KLF8: variants seen among roughly 807,000 people sequenced by gnomAD.
KLF8 encodes the protein Krueppel-like factor 8.
In KLF8, 10 loss-of-function variants were observed where a neutral mutation model predicts 18.2. That is an observed-to-expected ratio of 0.55 (90% CI 0.34 to 0.93). The LOEUF (loss-of-function observed/expected upper bound fraction) is 0.93, where lower values mean the gene tolerates loss of function less well. Among genes scored for constraint, KLF8 ranks in the 40% least tolerant of loss-of-function variants. The pLI is 0.02. For missense variants in KLF8, 264 were observed against 277.9 expected, an observed-to-expected ratio of 0.95 and a Z score of 0.36; for synonymous variants, 109 against 97.3, an observed-to-expected ratio of 1.12 and a Z score of -0.71.
chrX:56,067,792 A>C, the KLF8 span, among the ~76,000 whole-genome samples: 1 of 112,060 alleles, frequency 8.9e-6, no homozygotes, highest in African/African-American at 3.2e-5. Context: ...ACTTTTTCAC[A>C]GGCAACTCTC....
the KLF8 span, among the ~76,000 whole-genome samples, chrX:56,076,744 C>T: frequency 4.5e-5 from 5 of 111,580 alleles, no homozygotes; most frequent in East Asian, 2.9e-4. Context: ...TGAACTAGTT[C>T]ACAGTCCCAC....
the KLF8 span, among the ~76,000 whole-genome samples, chrX:56,076,890 A>C: frequency 1.8e-5 from 2 of 112,227 alleles, no homozygotes; most frequent in Non-Finnish European, 3.8e-5. Context: ...TCTGATGGCC[A>C]GTGATGGTGA....
At chrX:56,221,923 T>C in the KLF8 span, among the ~76,000 whole-genome samples, 1 of 111,892 alleles carries the variant, frequency 8.9e-6, no homozygotes, top group Admixed American at 9.4e-5. Flanking sequence ...TGGTCCATTT[T>C]ACAGAGATCC....
chrX:56,203,695 A>G, the KLF8 span, among the ~76,000 whole-genome samples: 1 of 111,595 alleles, frequency 9.0e-6, no homozygotes, highest in Non-Finnish European at 1.9e-5. Context: ...CCATTCCCCA[A>G]TGTATGTTAT....
chrX:56,099,478 C>T, the KLF8 span, among the ~76,000 whole-genome samples: 1 of 111,798 alleles, frequency 8.9e-6, no homozygotes, highest in African/African-American at 3.2e-5. Flanking sequence ...AGTCAAATAT[C>T]TCCCAGTTAA....
the KLF8 span, among the ~76,000 whole-genome samples, chrX:56,051,616 T>A: frequency 1.8e-5 from 2 of 111,751 alleles, no homozygotes; most frequent in Non-Finnish European, 3.8e-5. Context: ...TTCTGGCTTC[T>A]AGGGTTTCTG....
the KLF8 span, among the ~76,000 whole-genome samples, chrX:55,910,269 C>A: frequency 8.9e-6 from 1 of 111,891 alleles, no homozygotes; most frequent in African/African-American, 3.2e-5. Context: ...TACTCTGTAT[C>A]ATCACCACAC....
the KLF8 span, among the ~76,000 whole-genome samples, chrX:56,115,687 G>A: frequency 7.2e-5 from 8 of 111,501 alleles, no homozygotes; most frequent in Admixed American, 2.9e-4. Flanking sequence ...TGTGGTACCC[G>A]GCTAAGCAGG....
At chrX:56,139,995 A>T in the KLF8 span, among the ~76,000 whole-genome samples, 1 of 112,315 alleles carries the variant, frequency 8.9e-6, no homozygotes, top group Non-Finnish European at 1.9e-5. Context: ...AAAAGAAGAC[A>T]TATATGCAGC....
the KLF8 span, among the ~76,000 whole-genome samples, chrX:56,102,045 A>C: frequency 0.53 from 58,160 of 110,106 alleles, 13,686 homozygotes; most frequent in Non-Finnish European, 0.73. Flanking sequence ...TAAAGAAGGG[A>C]ATTTCCTAGG....
At chrX:55,926,711 C>G in the KLF8 span, among the ~76,000 whole-genome samples, 1 of 110,730 alleles carries the variant, frequency 9.0e-6, no homozygotes, top group Non-Finnish European at 1.9e-5. Context: ...TAAAACTTGA[C>G]TCTGAATAAA....
At chrX:56,052,098 A>G in the KLF8 span, among the ~76,000 whole-genome samples, 28 of 111,428 alleles carry the variant, frequency 2.5e-4, no homozygotes, top group African/African-American at 8.5e-4. Flanking sequence ...CGTAGTTCTC[A>G]AGCCTTGGTT....
At chrX:56,153,873 G>A in the KLF8 span, among the ~76,000 whole-genome samples, 3 of 111,218 alleles carry the variant, frequency 2.7e-5, no homozygotes, top group Admixed American at 2.9e-4. Context: ...CAACTTACAA[G>A]GGATGTGAAG....
chrX:56,085,934 C>A, the KLF8 span, among the ~76,000 whole-genome samples: 4 of 111,736 alleles, frequency 3.6e-5, no homozygotes, highest in Non-Finnish European at 7.5e-5. Context: ...GAGTTCTGGT[C>A]GAAGTCAGTG....
At chrX:55,963,160 A>T in the KLF8 span, among the ~76,000 whole-genome samples, 1 of 111,904 alleles carries the variant, frequency 8.9e-6, no homozygotes, top group African/African-American at 3.3e-5. Flanking sequence ...ATTGATCATC[A>T]ACCCCATCCT....
chrX:56,221,417 G>C, the KLF8 span, among the ~76,000 whole-genome samples: 1 of 112,027 alleles, frequency 8.9e-6, no homozygotes, highest in Admixed American at 9.4e-5. Context: ...TCATTTCTGA[G>C]GATCCATGTC....
At chrX:56,189,561 A>C in the KLF8 span, among the ~76,000 whole-genome samples, 1 of 111,235 alleles carries the variant, frequency 9.0e-6, no homozygotes, top group South Asian at 3.8e-4. Flanking sequence ...CTATAAAATC[A>C]CATGCACACA....
the KLF8 span, among the ~76,000 whole-genome samples, chrX:56,210,588 T>A: frequency 0.012 from 1,356 of 111,374 alleles, 16 homozygotes; most frequent in African/African-American, 0.042. Flanking sequence ...TTTCTCTAGG[T>A]TTAGGAAGTT....
At chrX:56,164,729 C>CTTTTTTTTTTTTTTTTTTTATTTTTT in the KLF8 span, among the ~76,000 whole-genome samples, 1 of 51,920 alleles carries the variant, frequency 1.9e-5, no homozygotes, top group African/African-American at 8.6e-5. Context: ...CTTGTTATCT[C>CTTTTTTTTTTTTTTTTTTTATTTTTT]TTTTTTTTTT....
Sources: gnomAD v4.1 joint callset for allele counts (sites outside exome capture counted in the v4.1 genomes callset) on GRCh38, gnomAD v4.1.1 for gene constraint, MANE v1.5 for transcripts, NCBI Gene and HGNC (gene_info 2026-07-23, HGNC 2026-07-21) for gene names.